The following CLIP3 variants were observed in gnomAD, a reference collection of about 807,000 sequenced individuals.
CLIP3 encodes CAP-Gly domain containing linker protein 3, also known as CAP-Gly domain-containing linker protein 3.
A neutral mutation model predicts 59.4 loss-of-function variants in CLIP3; 15 were observed. The observed-to-expected ratio is 0.25, with a 90% CI of 0.17 to 0.39. The LOEUF is 0.39. CLIP3 is among the 10% of genes least tolerant of loss of function. The probability of loss-of-function intolerance (pLI) is 1.00; values close to 1 mark genes in which losing one functional copy is unlikely to be tolerated. For synonymous variants in CLIP3, 300 were observed against 321.6 expected (o/e 0.93, Z 0.72); for missense variants, 495 against 765.7 (o/e 0.65, Z 4.17).
Position 36,016,366 on chromosome 19 carries a change from GA to G in CLIP3, c.1590-155del, listed in dbSNP as rs1968799790. 6.6e-6 allele frequency among the ~76,000 whole-genome samples: 1 copy of G among 152,170 alleles called. No individual in the cohort carries two copies. Among genetic ancestry groups the G allele is most frequent in the Non-Finnish European group, 1.5e-5 (1 of 68,026 alleles). On this transcript the variant is annotated intron_variant, in intron 13 of 13. Coordinates refer to ENST00000360535, the MANE Select transcript of CLIP3 (RefSeq NM_015526.3). The surrounding 1 kb of genome is among the most constrained non-coding windows in gnomAD (Gnocchi z 4.1). Reference sequence around the variant, plus strand: ...TGGTTTGTTTGTTTGTTTGTTTTCTGAGATGGAGTCTCACTCTGTCACCCAG... The same window carrying G: ...TGGTTTGTTTGTTTGTTTGTTTTCTGGATGGAGTCTCACTCTGTCACCCAG...
In CLIP3 at chr19:36,016,739, C is replaced by A; in HGVS notation, c.1589+168G>T. The A allele has an allele frequency of 4.4e-6, 3 of 674,688 alleles. No individual in the cohort carries two copies. Among genetic ancestry groups the A allele is most frequent in the East Asian group, 5.5e-5 (2 of 36,290 alleles). 41.8% of individuals were successfully genotyped at this position (674,688 alleles called of 1,614,324 possible). On this transcript the variant is annotated intron_variant, in intron 13 of 13. Coordinates refer to ENST00000360535, the MANE Select transcript of CLIP3 (RefSeq NM_015526.3). This position sits in a 1 kb window ranked among gnomAD's most constrained non-coding sequence, Gnocchi z 4.1. ...AAGTGGAATTCACTAGAATTCAGTGCGGGGCCCTACACCCTAAAGACTGTT... is the reference window on the plus strand; with the variant it reads ...AAGTGGAATTCACTAGAATTCAGTGAGGGGCCCTACACCCTAAAGACTGTT...
chr19:36,032,278 A>T lies in CLIP3; in HGVS notation c.80T>A (p.Val27Asp). 7.7e-7 allele frequency: 1 copy of T among 1,296,810 alleles called. No individual in the cohort carries two copies. The highest frequency in any genetic ancestry group is 9.9e-7 in the Non-Finnish European group (1 of 1,014,372). 80.3% of individuals were successfully genotyped at this position (1,296,810 alleles called of 1,614,324 possible). A position where few individuals can be genotyped will look rare whatever the true frequency, so the allele number is the denominator to read the frequency against. Residue 27 changes from valine (V) to aspartate (D), a missense_variant, in exon 2 of 14, where the codon GTC (valine) becomes GAC (aspartate). Val to Asp is a radical substitution (Grantham distance 152). Around this residue, in one of 5 missense-constraint regions of CLIP3, gnomAD observed 90 missense variants for 105.2 expected, o/e 0.86. Coordinates refer to ENST00000360535, the MANE Select transcript of CLIP3 (RefSeq NM_015526.3). This position sits in a 1 kb window ranked among gnomAD's most constrained non-coding sequence, Gnocchi z 4.3. ...EEEEEEEDEP[V>D]PEAPSPTQER... ...CTGGGTGGGGCTGGGGGCCTCGGGG[A>T]CGGGTTCATCCTCCTCCTCCTCTTC...
rs1968796795 is a variant in CLIP3, at chr19:36,016,257, G to T, written c.1590-45C>A. ...GGTCACGCCCTTAGGCAGGCAGCGG[G>T]GACATCTGCACCCATCACCCCCAGC... On this transcript the variant is annotated intron_variant, in intron 13 of 13. Transcript: ENST00000360535. This position sits in a 1 kb window ranked among gnomAD's most constrained non-coding sequence, Gnocchi z 4.1. 6.2e-7 allele frequency: 1 copy of T among 1,607,902 alleles called. No homozygotes were observed. Among genetic ancestry groups the T allele is most frequent in the East Asian group, 2.2e-5 (1 of 44,824 alleles).
At position 36,026,697 on chromosome 19, in the gene CLIP3, C is replaced by T. The variant is rs1969120901; in HGVS notation, c.451G>A (p.Ala151Thr). 2 of 1,607,040 alleles carry T rather than the reference C, an allele frequency of 1.2e-6. No individual in the cohort carries two copies. Among genetic ancestry groups the T allele is most frequent in the Non-Finnish European group, 8.5e-7 (1 of 1,178,164 alleles). ...RLSQQLLALGADVTLRSRWTN... is the reference protein window; with the variant it reads ...RLSQQLLALGTDVTLRSRWTN... The stretch of plus-strand genomic sequence containing the variant: ...CAGCGGCTGCGCAGCGTCACATCTG[C>T]GCCCAGCGCCAGCAGCTGCTGCGAG... The change falls in exon 5 of 14, where the codon GCA becomes ACA. Residue 151 changes from alanine to threonine, a missense_variant. Transcript: ENST00000360535. The surrounding 1 kb of genome is among the most constrained non-coding windows in gnomAD (Gnocchi z 6.3).
At chr19:36,025,922 C>T (rs998189937) in intron 6 of CLIP3, among the ~76,000 whole-genome samples, 1 of 152,226 alleles carries the variant, frequency 6.6e-6, no homozygotes, top group African/African-American at 2.4e-5. Context: ...TGGGCAGATC[C>T]CTTAATCTCT....
chr19:36,016,085 G>T lies in CLIP3; in HGVS notation c.*73C>A. On this transcript the variant is annotated 3_prime_UTR_variant, in exon 14 of 14. Coordinates refer to ENST00000360535, the MANE Select transcript of CLIP3 (RefSeq NM_015526.3). This position sits in a 1 kb window ranked among gnomAD's most constrained non-coding sequence, Gnocchi z 4.1. ...GTGTTACTGGGAATCTCTATCTCAG[G>T]GTGACTCAGGGCTCCTCGGGTGTCA... 1 of 1,518,816 alleles carries T rather than the reference G, an allele frequency of 6.6e-7. No individual in the cohort carries two copies. The allele number at this position is 1,518,816 out of a possible 1,614,324, so 94.1% of individuals were successfully genotyped here.
intron 2 of CLIP3, among the ~76,000 whole-genome samples, chr19:36,028,805 C>G (rs926093575): frequency 6.6e-6 from 1 of 152,048 alleles, no homozygotes; most frequent in African/African-American, 2.4e-5. Flanking sequence ...ACTGGGCTCC[C>G]TCTGTCCCTC....
At position 36,019,296 on chromosome 19, in the gene CLIP3, A is replaced by C; in HGVS notation, c.929T>G (p.Leu310Arg). 6.2e-7 allele frequency: 1 copy of C among 1,612,204 alleles called. No individual in the cohort carries two copies. Among genetic ancestry groups the C allele is most frequent in the Non-Finnish European group, 8.5e-7 (1 of 1,179,740 alleles). The part of the protein sequence containing the change: ...VLLDGQKTGT[L>R]RFCGTTEFAS... ...AAACTCCGTGGTCCCACAGAACCGC[A>C]GTGTGCCCGTCTGGGGAGAGAAGGG... The change falls in exon 8 of 14, where the codon CTG (leucine) becomes CGG (arginine). Residue 310 changes from leucine to arginine, a missense_variant. By Grantham distance (102) the Leu-to-Arg change is moderately radical (BLOSUM62 -2). Coordinates refer to ENST00000360535, the MANE Select transcript of CLIP3 (RefSeq NM_015526.3).
At position 36,026,983 on chromosome 19, in the gene CLIP3, G is replaced by A; in HGVS notation, c.369C>T (p.His123=). Residue 123 remains histidine (H), a synonymous_variant, in exon 4 of 14, where the codon CAC becomes CAT. Transcript: ENST00000360535. This position sits in a 1 kb window ranked among gnomAD's most constrained non-coding sequence, Gnocchi z 6.3. The part of the protein sequence containing the change: ...RDGLTDMTLL[H]YACKAGAHGV... Reference sequence around the variant, plus strand: ...CGTGGGCCCCAGCTTTGCACGCATAGTGGAGCAGTGTCATGTCGGTCAGCC... The same window carrying A: ...CGTGGGCCCCAGCTTTGCACGCATAATGGAGCAGTGTCATGTCGGTCAGCC... 6.4e-7 allele frequency: 1 copy of A among 1,572,182 alleles called. No individual in the cohort carries two copies.
intron 9 of CLIP3, 101 bp downstream of exon 9, chr19:36,018,797 A>G: frequency 1.4e-6 from 2 of 1,473,428 alleles, no homozygotes; most frequent in Non-Finnish European, 1.8e-6. Flanking sequence ...GTCTTCCAAA[A>G]CTGGAGTTTG....
Position 36,032,319 on chromosome 19 carries a change from G to A in CLIP3, c.39C>T (p.Pro13=). ...CCTCCTCTTCTTCCTCCTCTCCTCG[G>A]GGTGGCGGGGCCATCGGGGCAGGAT... ...KTDPAPMAPP[P]RGEEEEEEEE... Residue 13 remains proline, a synonymous_variant, in exon 2 of 14, where the codon CCC becomes CCT. Coordinates refer to ENST00000360535, the MANE Select transcript of CLIP3 (RefSeq NM_015526.3). The surrounding 1 kb of genome is among the most constrained non-coding windows in gnomAD (Gnocchi z 4.3). 1 of 1,277,054 alleles carries A rather than the reference G, an allele frequency of 7.8e-7. No homozygotes were observed. Among genetic ancestry groups the A allele is most frequent in the Non-Finnish European group, 1.0e-6 (1 of 1,003,790 alleles). The allele number at this position is 1,277,054 out of a possible 1,614,324, so 79.1% of individuals were successfully genotyped here. A position where few individuals can be genotyped will look rare whatever the true frequency, so the allele number is the denominator to read the frequency against.
In CLIP3 at chr19:36,016,800, C is replaced by A; in HGVS notation, c.1589+107G>T. On this transcript the variant is annotated intron_variant, in intron 13 of 13. Transcript: ENST00000360535. The surrounding 1 kb of genome is among the most constrained non-coding windows in gnomAD (Gnocchi z 4.1). Reference sequence around the variant, plus strand: ...CTTACAAGTCACAAGTTTTCCTAACCTCTCTTTCCAGCCCTGACCAGAGCT... The same window carrying A: ...CTTACAAGTCACAAGTTTTCCTAACATCTCTTTCCAGCCCTGACCAGAGCT... The A allele has an allele frequency of 8.3e-7, 1 of 1,209,810 alleles. No homozygotes were observed. 74.9% of individuals were successfully genotyped at this position (1,209,810 alleles called of 1,614,324 possible).
chr19:36,017,030 C>T, intron 12 of CLIP3, 51 bp from the exon 13 acceptor site: 1 of 1,580,310 alleles, frequency 6.3e-7, no homozygotes, highest in Non-Finnish European at 8.7e-7. Flanking sequence ...CCACCTGTGT[C>T]CTCAATACCC....
rs531418883 is a variant in CLIP3, at chr19:36,024,216, T to C, written c.918+180A>G. On this transcript the variant is annotated intron_variant, in intron 7 of 13. Coordinates refer to ENST00000360535, the MANE Select transcript of CLIP3 (RefSeq NM_015526.3). The stretch of plus-strand genomic sequence containing the variant: ...CCTGGATGGAGAGCTCAGCACAGGG[T>C]GAGGCTCAAAGGAGACACCCACGGA... 4.9e-6 allele frequency: 3 copies of C among 609,704 alleles called. No individual in the cohort carries two copies. In the East Asian group the frequency reaches 8.3e-5, roughly 17 times the overall value. 37.8% of individuals were successfully genotyped at this position (609,704 alleles called of 1,614,324 possible).
Position 36,015,951 on chromosome 19 carries a change from C to T in CLIP3, c.*207G>A. ...AGCCTGAAGGTGCTACTCAGGGAAT[C>T]TCTTTCTGGGTGACATGGGGTCTGT... On this transcript the variant is annotated 3_prime_UTR_variant, in exon 14 of 14. Transcript: ENST00000360535. The T allele has an allele frequency of 1.6e-6, 1 of 611,646 alleles. No homozygotes were observed. The highest frequency in any genetic ancestry group is 2.9e-6 in the Non-Finnish European group (1 of 339,484). 37.9% of individuals were successfully genotyped at this position (611,646 alleles called of 1,614,324 possible).
At chr19:36,018,783 G>T in intron 9 of CLIP3, 115 bp downstream of exon 9, 2 of 1,391,076 alleles carry the variant, frequency 1.4e-6, no homozygotes, top group Non-Finnish European at 2.0e-6. Flanking sequence ...GGAACTCAGA[G>T]CTTGTCTTCC....
At position 36,017,235 on chromosome 19, in the gene CLIP3, A is replaced by G. The variant is rs1345217457; in HGVS notation, c.1516+151T>C. 1.5e-4 allele frequency: 127 copies of G among 850,760 alleles called. 1 individual carries two copies. Among genetic ancestry groups the G allele is most frequent in the South Asian group, 1.9e-4 (12 of 63,384 alleles). The allele number at this position is 850,760 out of a possible 1,614,324, so 52.7% of individuals were successfully genotyped here. A position where few individuals can be genotyped will look rare whatever the true frequency, so the allele number is the denominator to read the frequency against. ...AATTTCCTCATATCCTCTAGCACCTATCTTTTTGTGGACCTTGTCTCATCA... is the reference window on the plus strand; with the variant it reads ...AATTTCCTCATATCCTCTAGCACCTGTCTTTTTGTGGACCTTGTCTCATCA... On this transcript the variant is annotated intron_variant, in intron 12 of 13. Coordinates refer to ENST00000360535, the MANE Select transcript of CLIP3 (RefSeq NM_015526.3).
rs562377309 is a variant in CLIP3 at position 36,028,425 on chromosome 19, G to A, written c.167-1154C>T. 1.2e-3 allele frequency among the ~76,000 whole-genome samples: 188 copies of A among 152,318 alleles called. 1 individual carries two copies. The highest frequency in any genetic ancestry group is 4.4e-3 in the African/African-American group (182 of 41,584). ...TCAACCTGTGCCCAGCCAGGGTGGT[G>A]CCTAGAGGCACTTCTGTCTCTTCCC... On this transcript the variant is annotated intron_variant, in intron 2 of 13. Transcript: ENST00000360535.
In CLIP3 at chr19:36,031,020, T is replaced by C. The variant is rs1166619742; in HGVS notation, c.166+1172A>G. Among the ~76,000 whole-genome samples, 390 of 110,618 alleles carry C rather than the reference T, an allele frequency of 3.5e-3. 3 individuals are homozygous for C. Among genetic ancestry groups the C allele is most frequent in the African/African-American group, 0.017 (374 of 22,372 alleles). 72.6% of individuals were successfully genotyped at this position (110,618 alleles called of 152,430 possible). A position where few individuals can be genotyped will look rare whatever the true frequency, so the allele number is the denominator to read the frequency against. ...CTTTTTTTCTTTTCTTTTTTTTTTT[T>C]TTCTTTTTTTTTTTTTTTTTTGAGA... On this transcript the variant is annotated intron_variant, in intron 2 of 13. Coordinates refer to ENST00000360535, the MANE Select transcript of CLIP3 (RefSeq NM_015526.3).
Sources: gnomAD v4.1 joint callset for allele counts (sites outside exome capture counted in the v4.1 genomes callset) on GRCh38, gnomAD v4.1.1 for gene constraint, gnomAD v4.1.1 regional missense constraint, Gnocchi (gnomAD v3.1) non-coding constraint, MANE v1.5 for transcripts, NCBI Gene and HGNC (gene_info 2026-07-23, HGNC 2026-07-21) for gene names.